GRID1: variants seen among roughly 807,000 people sequenced by gnomAD.
The protein encoded by GRID1 is glutamate ionotropic receptor delta type subunit 1.
In GRID1, 28 loss-of-function variants were observed where a neutral mutation model predicts 98.0. The observed-to-expected ratio is 0.29, with a 90% CI of 0.21 to 0.39. The LOEUF is 0.39. GRID1 is among the 10% of genes least tolerant of loss of function. The pLI is 1.00. For missense variants in GRID1, 1,111 were observed against 1,340.5 expected (o/e 0.83, Z 2.67); for synonymous variants, 553 against 538.5 (o/e 1.03, Z -0.37).
intron 4 of GRID1, among the ~76,000 whole-genome samples, chr10:85,918,863 A>G (rs946340844): frequency 5.9e-5 from 9 of 152,210 alleles, no homozygotes; most frequent in Admixed American, 5.9e-4. Context: ...AAGGTTGACC[A>G]TTTGTGAGAG....
intron 2 of GRID1, among the ~76,000 whole-genome samples, chr10:86,246,933 G>C (rs1589425131): frequency 6.6e-6 from 1 of 152,244 alleles, no homozygotes; most frequent in African/African-American, 2.4e-5. Context: ...GGCATCCTTG[G>C]ATCACTAAAT....
chr10:86,055,758 A>AAGAAGG (rs141410567), intron 4 of GRID1, among the ~76,000 whole-genome samples: 14,913 of 151,494 alleles, frequency 0.098, 831 homozygotes, highest in Middle Eastern at 0.16. Context: ...CAACAAGAAG[A>AAGAAGG]AGAAGGAGAA....
chr10:86,360,143 A>T (rs1564748511), intron 2 of GRID1, among the ~76,000 whole-genome samples: 1 of 152,156 alleles, frequency 6.6e-6, no homozygotes, highest in Non-Finnish European at 1.5e-5. Context: ...GATTCTGCAT[A>T]TCTCAGCATA....
At chr10:85,737,756 C>A (rs1841901155) in intron 8 of GRID1, among the ~76,000 whole-genome samples, 1 of 138,164 alleles carries the variant, frequency 7.2e-6, no homozygotes, top group Non-Finnish European at 1.6e-5. Context: ...ATATATACAA[C>A]CATATATATA....
At position 85,854,151 on chromosome 10, in the gene GRID1, T is replaced by C. The variant is rs531297849; in HGVS notation, c.1233+345A>G. 9.2e-5 allele frequency among the ~76,000 whole-genome samples: 14 copies of C among 152,272 alleles called. No individual in the cohort carries two copies. The East Asian group carries it at 2.3e-3, about 25-fold the overall frequency. Reference sequence around the variant, plus strand: ...CTCCTGCCTCAACCACAATTCACACTTGTCCCTGTGGTCGGGCTGATTTCA... The same window carrying C: ...CTCCTGCCTCAACCACAATTCACACCTGTCCCTGTGGTCGGGCTGATTTCA... On this transcript the variant is annotated intron_variant, in intron 8 of 15. Coordinates refer to ENST00000327946, the MANE Select transcript of GRID1 (RefSeq NM_017551.3).
intron 5 of GRID1, among the ~76,000 whole-genome samples, chr10:85,899,801 G>A (rs139809500): frequency 6.6e-6 from 1 of 152,262 alleles, no homozygotes; most frequent in African/African-American, 2.4e-5. Context: ...TTGAGTAAGA[G>A]GAGTATCAGG....
intron 2 of GRID1, among the ~76,000 whole-genome samples, chr10:86,362,140 G>A (rs535122519): frequency 2.0e-5 from 3 of 152,292 alleles, no homozygotes; most frequent in South Asian, 4.2e-4. Context: ...TCCAAACTGT[G>A]GCTTCAGCTC....
intron 2 of GRID1, among the ~76,000 whole-genome samples, chr10:86,211,140 T>G (rs1374739481): frequency 6.6e-6 from 1 of 152,248 alleles, no homozygotes; most frequent in African/African-American, 2.4e-5. Context: ...ATGAAAGGTC[T>G]TTATATGTGG....
chr10:85,856,907 T>C (rs1364527554), intron 6 of GRID1, among the ~76,000 whole-genome samples: 2 of 152,134 alleles, frequency 1.3e-5, no homozygotes, highest in African/African-American at 4.8e-5. Flanking sequence ...GAAGCAGGGA[T>C]TGAGCCCTGC....
At position 85,620,858 on chromosome 10, in the gene GRID1, A is replaced by G. The variant is rs547157586; in HGVS notation, c.2194-825T>C. ...TGCACATATGCATGCACACACTCAC[A>G]TGCATATATGTTTGTACACACACAT... On this transcript the variant is annotated intron_variant, in intron 13 of 15. Transcript: ENST00000327946. 5.9e-5 allele frequency among the ~76,000 whole-genome samples: 9 copies of G among 152,334 alleles called. No individual in the cohort carries two copies. In the South Asian group the frequency reaches 1.5e-3, roughly 25 times the overall value.
At chr10:86,036,469 C>G (rs1843263338) in intron 4 of GRID1, among the ~76,000 whole-genome samples, 1 of 152,186 alleles carries the variant, frequency 6.6e-6, no homozygotes, top group Non-Finnish European at 1.5e-5. Context: ...CAGCCGCAGG[C>G]ACTGTGACCA....
At chr10:85,756,840 G>C (rs1312380581) in intron 8 of GRID1, among the ~76,000 whole-genome samples, 2 of 152,172 alleles carry the variant, frequency 1.3e-5, no homozygotes, top group Admixed American at 6.5e-5. Context: ...GGTTATGCCA[G>C]GTATTGCTCT....
At chr10:85,758,069 G>C (rs1321675411) in intron 8 of GRID1, among the ~76,000 whole-genome samples, 2 of 152,190 alleles carry the variant, frequency 1.3e-5, no homozygotes, top group East Asian at 3.9e-4. Flanking sequence ...ATGGTGGTTA[G>C]AGTGCTCCTC....
chr10:85,920,871 C>G (rs866321364), intron 4 of GRID1, among the ~76,000 whole-genome samples: 1 of 152,180 alleles, frequency 6.6e-6, no homozygotes, highest in African/African-American at 2.4e-5. Context: ...GACACTGTGG[C>G]TGAGGGACAC....
Position 86,346,636 on chromosome 10 carries a change from G to A in GRID1, c.235+17305C>T, listed in dbSNP as rs549965743. ...ACGCTGCCCAGGAGGCAGGAGCCAG[G>A]CCTTTGCTGATAAGGCAGCCACCTC... On this transcript the variant is annotated intron_variant, in intron 2 of 15. Coordinates refer to ENST00000327946, the MANE Select transcript of GRID1 (RefSeq NM_017551.3). Among the ~76,000 whole-genome samples the A allele has an allele frequency of 7.2e-5, 11 of 152,350 alleles. No homozygotes were observed. The East Asian group carries it at 2.1e-3, about 29-fold the overall frequency.
chr10:86,126,355 T>C (rs750806767), intron 4 of GRID1, among the ~76,000 whole-genome samples: 11 of 152,318 alleles, frequency 7.2e-5, no homozygotes, highest in Non-Finnish European at 1.5e-4. Flanking sequence ...CTCCAGAGGC[T>C]GAGGCAGAGA....
chr10:85,819,279 T>C (rs189559267), intron 8 of GRID1, among the ~76,000 whole-genome samples: 9 of 152,208 alleles, frequency 5.9e-5, no homozygotes, highest in Admixed American at 5.2e-4. Context: ...AGAAATAAGA[T>C]ATTTGCACCG....
chr10:85,927,325 T>A (rs999512438), intron 4 of GRID1, among the ~76,000 whole-genome samples: 3 of 152,198 alleles, frequency 2.0e-5, no homozygotes, highest in African/African-American at 7.2e-5. Context: ...GGTCACCCCA[T>A]GGCTTAATAC....
intron 2 of GRID1, among the ~76,000 whole-genome samples, chr10:86,265,947 G>A (rs1002141852): frequency 1.3e-5 from 2 of 152,028 alleles, no homozygotes; most frequent in Non-Finnish European, 1.5e-5. Flanking sequence ...TCAGCCCCTT[G>A]CCACCCATGC....
Sources: allele counts gnomAD v4.1 joint callset (sites outside exome capture counted in the v4.1 genomes callset), GRCh38; gene constraint gnomAD v4.1.1; transcripts MANE v1.5; gene names NCBI Gene and HGNC (gene_info 2026-07-23, HGNC 2026-07-21).